MGAT4C: variants seen among roughly 807,000 people sequenced by gnomAD.
MGAT4C encodes the protein alpha-1,3-mannosyl-glycoprotein 4-beta-N-acetylglucosaminyltransferase C.
A neutral mutation model predicts 40.1 loss-of-function variants in MGAT4C; 19 were observed. The observed-to-expected ratio is 0.47, with a 90% CI of 0.33 to 0.70. The LOEUF is 0.70. Among genes scored for constraint, MGAT4C ranks in the 30% least tolerant of loss-of-function variants. MGAT4C has a pLI of 0.02. For synonymous variants in MGAT4C, 181 were observed against 187.1 expected, an observed-to-expected ratio of 0.97 and a Z score of 0.27; for missense variants, 491 against 563.2, an observed-to-expected ratio of 0.87 and a Z score of 1.30.
rs991130096 is a variant in MGAT4C at position 86,766,451 on chromosome 12, A to C, written c.-261-39210T>G. ...TTAACACCCCACTGTCAACATTAGA[A>C]AGATCAACGAGACAGAAAGTTAACA... is the stretch of plus-strand genomic sequence containing the variant. On this transcript the variant is annotated intron_variant, in intron 1 of 7. Coordinates refer to the MGAT4C transcript ENST00000548651. Among the ~76,000 whole-genome samples, 184 of 152,028 alleles carry C rather than the reference A, an allele frequency of 1.2e-3. 2 individuals carry two copies. The highest frequency in any genetic ancestry group is 2.4e-3 in the Non-Finnish European group (162 of 68,014).
chr12:85,989,349 T>C, intron 3 of MGAT4C, 51 bp downstream of exon 3: 1 of 1,479,878 alleles, frequency 6.8e-7, no homozygotes, highest in Non-Finnish European at 9.1e-7. Context: ...CTAATTCTTG[T>C]TTGACTTATG....
chr12:86,763,081 G>A (rs1951434879), intron 1 of MGAT4C, among the ~76,000 whole-genome samples: 1 of 152,174 alleles, frequency 6.6e-6, no homozygotes, highest in Non-Finnish European at 1.5e-5. Flanking sequence ...TGTCACTGGT[G>A]TAGAAAGAAC....
rs1316192963 is a variant in MGAT4C at position 85,958,807 on chromosome 12, G to A, written c.*20482C>T. On this transcript the variant is annotated 3_prime_UTR_variant, in exon 5 of 5. Coordinates refer to ENST00000611864, the MANE Select transcript of MGAT4C (RefSeq NM_001351288.2). ...TTCAAAAACATAAATGTATTCTTTA[G>A]AGAGTTAAAAAAAGTAGCAATAAAA... 1 of 151,708 alleles carries A rather than the reference G, an allele frequency of 6.6e-6. No homozygotes were observed. Among genetic ancestry groups the A allele is most frequent in the African/African-American group, 2.4e-5 (1 of 41,308 alleles). The allele number at this position is 151,708 out of a possible 1,614,324, so 9.4% of individuals were successfully genotyped here.
chr12:86,643,102 C>T (rs1045581156), intron 2 of MGAT4C, among the ~76,000 whole-genome samples: 4 of 151,560 alleles, frequency 2.6e-5, no homozygotes, highest in Admixed American at 1.3e-4. Context: ...AATCATCTCA[C>T]GGTGGAAGGC....
intron 2 of MGAT4C, among the ~76,000 whole-genome samples, chr12:86,520,896 T>A (rs948130842): frequency 3.3e-5 from 5 of 152,180 alleles, no homozygotes; most frequent in Admixed American, 3.3e-4. Context: ...TCTGTTCTTG[T>A]CCTCTGTCCA....
intron 2 of MGAT4C, among the ~76,000 whole-genome samples, chr12:86,721,793 T>G (rs561338605): frequency 6.6e-6 from 1 of 152,120 alleles, no homozygotes; most frequent in African/African-American, 2.4e-5. Flanking sequence ...TGCCAGAGGG[T>G]CCAAGCTGGG....
chr12:86,524,972 A>G (rs1197520057), intron 2 of MGAT4C, among the ~76,000 whole-genome samples: 1 of 152,118 alleles, frequency 6.6e-6, no homozygotes, highest in Non-Finnish European at 1.5e-5. Context: ...ACATTGTTTT[A>G]TTATGATTCT....
chr12:86,042,166 T>C (rs1031585543), intron 2 of MGAT4C, among the ~76,000 whole-genome samples: 1 of 152,218 alleles, frequency 6.6e-6, no homozygotes, highest in South Asian at 2.1e-4. Flanking sequence ...CCTTGGCAGA[T>C]TTTTCTCCAT....
At chr12:86,471,262 A>C (rs1957754390) in intron 2 of MGAT4C, among the ~76,000 whole-genome samples, 1 of 151,968 alleles carries the variant, frequency 6.6e-6, no homozygotes, top group Admixed American at 6.6e-5. Context: ...AATATGTATA[A>C]CTCTTGAAAG....
intron 2 of MGAT4C, among the ~76,000 whole-genome samples, chr12:86,523,303 T>G (rs1002447725): frequency 6.6e-6 from 1 of 152,188 alleles, no homozygotes; most frequent in African/African-American, 2.4e-5. Flanking sequence ...TTGTTCTCAT[T>G]AGTTTCAAAT....
At chr12:86,522,135 C>T (rs1485208174) in intron 2 of MGAT4C, among the ~76,000 whole-genome samples, 1 of 152,070 alleles carries the variant, frequency 6.6e-6, no homozygotes, top group Non-Finnish European at 1.5e-5. Flanking sequence ...ACTTCTAATA[C>T]TATGTTGAAT....
chr12:86,526,323 G>T (rs1399916681), intron 2 of MGAT4C, among the ~76,000 whole-genome samples: 1 of 152,004 alleles, frequency 6.6e-6, no homozygotes, highest in Non-Finnish European at 1.5e-5. Flanking sequence ...CTGCACTCCT[G>T]CTGCAGCAGT....
At chr12:86,401,036 C>T (rs780032677) in intron 3 of MGAT4C, among the ~76,000 whole-genome samples, 1 of 151,852 alleles carries the variant, frequency 6.6e-6, no homozygotes, top group Non-Finnish European at 1.5e-5. Flanking sequence ...AAATTGAATA[C>T]CCCTATTTAT....
chr12:86,093,993 T>G, intron 1 of MGAT4C, among the ~76,000 whole-genome samples: 1 of 152,186 alleles, frequency 6.6e-6, no homozygotes, highest in East Asian at 1.9e-4. Flanking sequence ...GACACTGAAG[T>G]TTCACACGTA....
intron 2 of MGAT4C, among the ~76,000 whole-genome samples, chr12:86,621,212 A>G (rs547313952): frequency 5.3e-5 from 8 of 152,166 alleles, no homozygotes; most frequent in Non-Finnish European, 1.2e-4. Flanking sequence ...AAAAATAGAT[A>G]TAAATATAAT....
chr12:86,096,367 A>T (rs866513871), intron 1 of MGAT4C, among the ~76,000 whole-genome samples: 38 of 150,296 alleles, frequency 2.5e-4, no homozygotes, highest in Middle Eastern at 7.0e-3. Flanking sequence ...TTACTTGCCT[A>T]TCTTCTATAT....
At chr12:86,780,334 A>G (rs535351356) in intron 1 of MGAT4C, among the ~76,000 whole-genome samples, 1 of 152,192 alleles carries the variant, frequency 6.6e-6, no homozygotes, top group African/African-American at 2.4e-5. Context: ...TATATTGCAT[A>G]GCAGTGAAGT....
rs188257369 is a variant in MGAT4C, at chr12:86,501,464, C to G, written c.-228-66199G>C. 3.5e-3 allele frequency among the ~76,000 whole-genome samples: 527 copies of G among 152,058 alleles called. 3 individuals are homozygous for G. Among genetic ancestry groups the G allele is most frequent in the African/African-American group, 0.012 (511 of 41,508 alleles). On this transcript the variant is annotated intron_variant, in intron 2 of 7. Transcript: ENST00000548651. The stretch of plus-strand genomic sequence containing the variant: ...TAGGTATTAAGCTCAGCATGCATTA[C>G]CTCTTTTTCCTAATGCTCTTCCCCC...
At chr12:86,141,180 T>C (rs1307001428) in intron 1 of MGAT4C, among the ~76,000 whole-genome samples, 1 of 152,168 alleles carries the variant, frequency 6.6e-6, no homozygotes, top group Non-Finnish European at 1.5e-5. Context: ...AGATAAATAC[T>C]TCTTTTTGAA....
Sources: allele counts gnomAD v4.1 joint callset (sites outside exome capture counted in the v4.1 genomes callset), GRCh38; gene constraint gnomAD v4.1.1; transcripts MANE v1.5; gene names NCBI Gene and HGNC (gene_info 2026-07-23, HGNC 2026-07-21).